Variants in CWF19L1 observed in about 807,000 individuals in gnomAD.
CWF19L1 encodes the protein CWF19-like protein 1.
In CWF19L1, 60 loss-of-function variants were observed where a neutral mutation model predicts 69.7. The ratio of observed to expected loss-of-function variants is 0.86; its 90% CI spans 0.70 to 1.07. CWF19L1 has a LOEUF of 1.07. Ranked by LOEUF, CWF19L1 falls within the 50% of genes least tolerant of loss-of-function variation. The probability of loss-of-function intolerance (pLI) is 0.00; values close to 1 mark genes in which losing one functional copy is unlikely to be tolerated. For synonymous variants in CWF19L1, 209 were observed against 222.2 expected (o/e 0.94, Z 0.53); for missense variants, 591 against 638.9 (o/e 0.92, Z 0.81).
At chr10:100,267,032 G>C (rs1169004731) in intron 1 of CWF19L1, among the ~76,000 whole-genome samples, 1 of 151,000 alleles carries the variant, frequency 6.6e-6, no homozygotes, top group East Asian at 2.0e-4. Flanking sequence ...CTCCATTAAA[G>C]CAGGAACTCC....
chr10:100,264,458 T>G (rs1226527938), intron 1 of CWF19L1, among the ~76,000 whole-genome samples: 1 of 151,010 alleles, frequency 6.6e-6, no homozygotes, highest in African/African-American at 2.4e-5. Flanking sequence ...GGCGGGAGAA[T>G]AGCATGAACC....
rs754441857 is a variant in CWF19L1 at position 100,245,831 on chromosome 10, G to T, written c.932C>A (p.Ser311Tyr). ...KRSSTGRDSK[S>Y]SPHPKQPRKP... ...GCGAGGCTGCTTTGGATGAGGAGAA[G>T]ATTTGCTATCTCTACCTGTGGATGA... Residue 311 changes from serine (S) to tyrosine (Y), a missense_variant, in exon 9 of 14, where the codon TCT (serine) becomes TAT (tyrosine). This residue lies in a region of CWF19L1 where 458 missense variants were observed against 489.3 expected (regional missense o/e 0.94). Coordinates refer to ENST00000354105, the MANE Select transcript of CWF19L1 (RefSeq NM_018294.6). 6.2e-7 allele frequency: 1 copy of T among 1,614,144 alleles called. No individual in the cohort carries two copies. Among genetic ancestry groups the T allele is most frequent in the Admixed American group, 1.7e-5 (1 of 60,028 alleles).
At chr10:100,238,255 G>A (rs1846517673) in intron 10 of CWF19L1, 24 bp from the exon 11 acceptor site, 2 of 1,607,356 alleles carry the variant, frequency 1.2e-6, no homozygotes. Context: ...ACACAGAATT[G>A]AGACATCAAT....
chr10:100,263,361 C>T (rs1297177841), intron 1 of CWF19L1, among the ~76,000 whole-genome samples: 1 of 152,166 alleles, frequency 6.6e-6, no homozygotes, highest in Non-Finnish European at 1.5e-5. Flanking sequence ...CCAAGTTTTT[C>T]CCATCCTTCA....
At chr10:100,261,404 A>T (rs1249902542) in intron 2 of CWF19L1, among the ~76,000 whole-genome samples, 7 of 152,204 alleles carry the variant, frequency 4.6e-5, no homozygotes, top group Non-Finnish European at 8.8e-5. Flanking sequence ...ATAGAAATAG[A>T]TCTTTAAAGA....
intron 1 of CWF19L1, among the ~76,000 whole-genome samples, chr10:100,265,525 CTT>C (rs35773155): frequency 5.5e-4 from 66 of 120,976 alleles, no homozygotes; most frequent in Admixed American, 6.7e-4. Flanking sequence ...TTTTCTTTTT[CTT>C]TTTTTTTTTT....
intron 10 of CWF19L1, among the ~76,000 whole-genome samples, chr10:100,241,273 G>A (rs1846631233): frequency 6.6e-6 from 1 of 152,200 alleles, no homozygotes; most frequent in South Asian, 2.1e-4. Flanking sequence ...CCAAAGTGCT[G>A]GGATTACAGC....
Position 100,238,068 on chromosome 10 carries a change from C to T in CWF19L1, c.1208G>A (p.Cys403Tyr), listed in dbSNP as rs1372903685. ...RRFFKSRGKWCVVFERNYKSH... is the reference protein window; with the variant it reads ...RRFFKSRGKWYVVFERNYKSH... Reference sequence around the variant, plus strand: ...CTTATAATTTCTCTCAAATACAACACACCATTTCCCTCGACTCTTAAAGAA... The same window carrying T: ...CTTATAATTTCTCTCAAATACAACATACCATTTCCCTCGACTCTTAAAGAA... Residue 403 changes from cysteine (C) to tyrosine (Y), a missense_variant, in exon 11 of 14, where the codon TGT becomes TAT. Coordinates refer to ENST00000354105, the MANE Select transcript of CWF19L1 (RefSeq NM_018294.6). 6.2e-7 allele frequency: 1 copy of T among 1,614,072 alleles called. No individual in the cohort carries two copies. Among genetic ancestry groups the T allele is most frequent in the African/African-American group, 1.3e-5 (1 of 74,924 alleles).
intron 12 of CWF19L1, among the ~76,000 whole-genome samples, chr10:100,236,295 C>T (rs565809436): frequency 6.6e-6 from 1 of 151,794 alleles, no homozygotes; most frequent in African/African-American, 2.4e-5. Context: ...TTTGTAGAGA[C>T]AAGGTGTCTC....
chr10:100,256,075 T>A (rs1847203271), intron 5 of CWF19L1, among the ~76,000 whole-genome samples, 187 bp downstream of exon 5: 1 of 152,216 alleles, frequency 6.6e-6, no homozygotes, highest in Non-Finnish European at 1.5e-5. Flanking sequence ...AATCACACTT[T>A]CATGAAATTA....
chr10:100,252,878 CTCATT>C (rs1208299536), intron 6 of CWF19L1, among the ~76,000 whole-genome samples: 1 of 150,256 alleles, frequency 6.7e-6, no homozygotes, highest in Non-Finnish European at 1.5e-5. Context: ...AATTTTCCCT[CTCATT>C]TATTTTTAAT....
intron 1 of CWF19L1, among the ~76,000 whole-genome samples, chr10:100,266,545 C>T (rs1847592090): frequency 6.6e-6 from 1 of 150,932 alleles, no homozygotes; most frequent in South Asian, 2.1e-4. Flanking sequence ...GACGGAGTCT[C>T]ACTCTGTTAC....
chr10:100,267,138 T>A (rs1330398961), intron 1 of CWF19L1, among the ~76,000 whole-genome samples: 369 of 30,038 alleles, frequency 0.012, no homozygotes, highest in East Asian at 0.052. Flanking sequence ...CCCCCACCCC[T>A]CCTCCTCGCA....
chr10:100,238,497 AGGC>A, intron 10 of CWF19L1, among the ~76,000 whole-genome samples: 1 of 152,236 alleles, frequency 6.6e-6, no homozygotes, highest in East Asian at 1.9e-4. Flanking sequence ...GCACACAAGC[AGGC>A]TTTTGGCTTC....
chr10:100,260,248 A>G lies in CWF19L1; in HGVS notation c.259T>C (p.Cys87Arg). 6.2e-7 allele frequency: 1 copy of G among 1,610,714 alleles called. No homozygotes were observed. The highest frequency in any genetic ancestry group is 8.5e-7 in the Non-Finnish European group (1 of 1,177,256). ...TAAGTAATGTTTTCAGCTAATTCAC[A>G]TCCATCAGCATCCTGGAAATATTTT... is the stretch of plus-strand genomic sequence containing the variant. Reference protein sequence around the residue: ...TVKYFQDADGCELAENITYLG... With the variant: ...TVKYFQDADGRELAENITYLG... Residue 87 changes from cysteine (C) to arginine (R), a missense_variant, in exon 4 of 14, where the codon TGT becomes CGT. This residue lies in a region of CWF19L1 where 129 missense variants were observed against 131.3 expected (regional missense o/e 0.98). Transcript: ENST00000354105.
At chr10:100,234,002 A>C (rs964593939) in intron 13 of CWF19L1, 3 of 152,248 alleles carry the variant, frequency 2.0e-5, no homozygotes, top group African/African-American at 7.2e-5. Flanking sequence ...CAACAAAACA[A>C]CTATCTTGGC....
Position 100,246,908 on chromosome 10 carries a change from T to A in CWF19L1, c.736A>T (p.Met246Leu). The A allele has an allele frequency of 1.9e-6, 3 of 1,613,588 alleles. No individual in the cohort carries two copies. Among genetic ancestry groups the A allele is most frequent in the East Asian group, 2.2e-5 (1 of 44,882 alleles). ...KYLYAFSIVP[M>L]KLMDAAELVK... is the part of the protein sequence containing the mutation. The stretch of plus-strand genomic sequence containing the variant: ...AGTTCTGCTGCATCCATTAGCTTCA[T>A]GGGAACAATACTGAACGCGTAAAGA... The change falls in exon 8 of 14, where the codon ATG (methionine) becomes TTG (leucine). Residue 246 changes from methionine to leucine, a missense_variant. Met to Leu is a conservative substitution (Grantham distance 15, BLOSUM62 2). Around this residue, in one of 3 missense-constraint regions of CWF19L1, gnomAD observed 458 missense variants for 489.3 expected, o/e 0.94. Transcript: ENST00000354105.
intron 10 of CWF19L1, among the ~76,000 whole-genome samples, chr10:100,242,708 G>T (rs1199244476): frequency 2.6e-5 from 4 of 151,380 alleles, no homozygotes; most frequent in African/African-American, 7.3e-5. Flanking sequence ...TAAGGCTCTA[G>T]TTTCTGAATC....
intron 6 of CWF19L1, among the ~76,000 whole-genome samples, 166 bp downstream of exon 6, chr10:100,253,255 G>C (rs1847101018): frequency 6.6e-6 from 1 of 152,198 alleles, no homozygotes; most frequent in Non-Finnish European, 1.5e-5. Flanking sequence ...TTTCAAATTA[G>C]GGAACAAACT....
Sources: allele counts gnomAD v4.1 joint callset (sites outside exome capture counted in the v4.1 genomes callset), GRCh38; gene constraint gnomAD v4.1.1; regional missense constraint gnomAD v4.1.1; transcripts MANE v1.5; gene names NCBI Gene and HGNC (gene_info 2026-07-23, HGNC 2026-07-21).